The following EHHADH variants were observed in gnomAD, a reference collection of about 807,000 sequenced individuals.
The protein encoded by EHHADH is peroxisomal bifunctional enzyme.
A neutral mutation model predicts 64.4 loss-of-function variants in EHHADH; 48 were observed. That is an observed-to-expected ratio of 0.75 (90% CI 0.59 to 0.95). The LOEUF (loss-of-function observed/expected upper bound fraction) is 0.95. Among genes scored for constraint, EHHADH ranks in the 40% least tolerant of loss-of-function variants. The probability of loss-of-function intolerance (pLI) is 0.00; values close to 1 mark genes in which losing one functional copy is unlikely to be tolerated. For synonymous variants in EHHADH, 308 were observed against 326.7 expected (o/e 0.94, Z 0.62); for missense variants, 854 against 876.6 (o/e 0.97, Z 0.33).
rs1477604929 is a variant in EHHADH at position 185,204,451 on chromosome 3, G to T, written c.875C>A (p.Ala292Glu). Residue 292 changes from alanine (A) to glutamate (E), a missense_variant, in exon 6 of 7, where the codon GCA (alanine) becomes GAA (glutamate). Ala to Glu is a moderately radical substitution (Grantham distance 107). Transcript: ENST00000231887. The part of the protein sequence containing the change: ...STPSGASWKT[A>E]SARPVSSVGV... Reference sequence around the variant, plus strand: ...AACTGAGGAGACAGGCCGCGCTGATGCTGTTTTCCACGATGCTCCGGAGGG... The same window carrying T: ...AACTGAGGAGACAGGCCGCGCTGATTCTGTTTTCCACGATGCTCCGGAGGG... The T allele has an allele frequency of 6.2e-7, 1 of 1,612,824 alleles. No individual in the cohort carries two copies. The highest frequency in any genetic ancestry group is 8.5e-7 in the Non-Finnish European group (1 of 1,179,488).
intron 5 of EHHADH, among the ~76,000 whole-genome samples, chr3:185,215,156 T>C (rs938535351): frequency 1.3e-5 from 2 of 152,110 alleles, no homozygotes; most frequent in Non-Finnish European, 2.9e-5. Context: ...GAGTCAAGCA[T>C]ACACTTATTA....
chr3:185,251,773 C>T (rs1719756005), intron 1 of EHHADH, among the ~76,000 whole-genome samples: 1 of 152,052 alleles, frequency 6.6e-6, no homozygotes, highest in Non-Finnish European at 1.5e-5. Context: ...ATCTGTTAAA[C>T]TTGAGGAACT....
rs1718092531 is a variant in EHHADH, at chr3:185,197,358, T to A, written c.911-3871A>T. Among the ~76,000 whole-genome samples, 4 of 152,214 alleles carry A rather than the reference T, an allele frequency of 2.6e-5. No individual in the cohort carries two copies. In the South Asian group the frequency reaches 6.2e-4, roughly 24 times the overall value. On this transcript the variant is annotated intron_variant, in intron 6 of 6. Transcript: ENST00000231887. ...AGCCATTTCTAAGTGCACAGTTCAG[T>A]GGCATTAAATGCATTCACAAGGTGT...
chr3:185,249,727 A>C (rs1269738488), intron 1 of EHHADH, among the ~76,000 whole-genome samples: 1 of 152,162 alleles, frequency 6.6e-6, no homozygotes, highest in Non-Finnish European at 1.5e-5. Context: ...TTCCTTTATA[A>C]ATTACCCAGT....
chr3:185,235,910 G>A (rs1577372742), intron 2 of EHHADH, among the ~76,000 whole-genome samples: 1 of 152,168 alleles, frequency 6.6e-6, no homozygotes, highest in East Asian at 1.9e-4. Context: ...TCTTTGTTAA[G>A]GGCATGAGTC....
chr3:185,218,087 C>T, intron 5 of EHHADH, 49 bp downstream of exon 5: 1 of 1,382,594 alleles, frequency 7.2e-7, no homozygotes, highest in Non-Finnish European at 1.0e-6. Context: ...TTTAAATGAA[C>T]ATGTATCCTG....
chr3:185,239,312 C>A (rs1719385861), intron 2 of EHHADH, among the ~76,000 whole-genome samples: 1 of 151,976 alleles, frequency 6.6e-6, no homozygotes, highest in South Asian at 2.1e-4. Flanking sequence ...TTTTCTAATT[C>A]CATGAAAAAT....
intron 4 of EHHADH, among the ~76,000 whole-genome samples, chr3:185,223,074 T>C (rs1224866156): frequency 6.6e-6 from 1 of 152,204 alleles, no homozygotes; most frequent in Non-Finnish European, 1.5e-5. Context: ...ATTTCTTCTA[T>C]TTTTTCTTTT....
At chr3:185,199,778 C>T (rs1718173466) in intron 6 of EHHADH, among the ~76,000 whole-genome samples, 1 of 152,112 alleles carries the variant, frequency 6.6e-6, no homozygotes, top group African/African-American at 2.4e-5. Context: ...TACAGTCTTG[C>T]TCTGTTGCCC....
Position 185,218,751 on chromosome 3 carries a change from G to A in EHHADH, c.464-511C>T, listed in dbSNP as rs537978404. Among the ~76,000 whole-genome samples the A allele has an allele frequency of 7.2e-5, 11 of 151,776 alleles. No homozygotes were observed. The South Asian group carries it at 1.2e-3, about 17-fold the overall frequency. On this transcript the variant is annotated intron_variant, in intron 4 of 6. Coordinates refer to ENST00000231887, the MANE Select transcript of EHHADH (RefSeq NM_001966.4). The stretch of plus-strand genomic sequence containing the variant: ...TTAAAAAAAAAAAAGGACCGGGCAC[G>A]GTGGCTCACGCCTGTAATCCCAGCA...
At chr3:185,224,167 A>G (rs997031750) in intron 4 of EHHADH, among the ~76,000 whole-genome samples, 6 of 152,038 alleles carry the variant, frequency 3.9e-5, no homozygotes, top group Middle Eastern at 3.4e-3. Flanking sequence ...AACTTTCACA[A>G]TTTAACTAAT....
intron 3 of EHHADH, among the ~76,000 whole-genome samples, chr3:185,232,282 G>C (rs1719156998): frequency 6.6e-6 from 1 of 152,090 alleles, no homozygotes; most frequent in South Asian, 2.1e-4. Flanking sequence ...ACTCAGATCT[G>C]CACTCAGGGT....
chr3:185,240,223 TG>T (rs57614486), intron 2 of EHHADH, among the ~76,000 whole-genome samples: 10,204 of 149,050 alleles, frequency 0.068, 423 homozygotes, highest in East Asian at 0.21. Context: ...CTTTAGTTTT[TG>T]TTTTTTTTTT....
chr3:185,241,591 G>T (rs1175933199), intron 2 of EHHADH, among the ~76,000 whole-genome samples: 1 of 152,074 alleles, frequency 6.6e-6, no homozygotes, highest in Non-Finnish European at 1.5e-5. Flanking sequence ...TTGGCCAATT[G>T]TGTATATTCT....
At chr3:185,196,730 G>A (rs936407104) in intron 6 of EHHADH, among the ~76,000 whole-genome samples, 2 of 152,114 alleles carry the variant, frequency 1.3e-5, no homozygotes, top group South Asian at 2.1e-4. Flanking sequence ...GGCCGGACAC[G>A]GTGGCTCATG....
In EHHADH at chr3:185,224,351, A is replaced by G. The variant is rs184429983; in HGVS notation, c.463+5081T>C. On this transcript the variant is annotated intron_variant, in intron 4 of 6. Coordinates refer to ENST00000231887, the MANE Select transcript of EHHADH (RefSeq NM_001966.4). Reference sequence around the variant, plus strand: ...CTTGTCTCTACTAAAAATACAAAAAATTAGCCGGGTGTGGTGGCACGTGCC... The same window carrying G: ...CTTGTCTCTACTAAAAATACAAAAAGTTAGCCGGGTGTGGTGGCACGTGCC... Among the ~76,000 whole-genome samples the G allele has an allele frequency of 2.7e-3, 416 of 151,912 alleles. 3 individuals carry two copies. Among genetic ancestry groups the G allele is most frequent in the Non-Finnish European group, 4.5e-3 (306 of 67,930 alleles).
At chr3:185,227,917 G>A (rs369076727) in intron 4 of EHHADH, among the ~76,000 whole-genome samples, 2 of 151,990 alleles carry the variant, frequency 1.3e-5, no homozygotes, top group East Asian at 1.9e-4. Flanking sequence ...GACATTGTAC[G>A]CAGTAACTTA....
At chr3:185,207,366 T>G (rs906981416) in intron 5 of EHHADH, among the ~76,000 whole-genome samples, 1 of 151,810 alleles carries the variant, frequency 6.6e-6, no homozygotes, top group African/African-American at 2.4e-5. Flanking sequence ...ATCATATGAG[T>G]CCTTAAAAGC....
chr3:185,192,655 T>C lies in EHHADH; in HGVS notation c.1743A>G (p.Gln581=), dbSNP rs1346359467. 12 of 1,614,098 alleles carry C rather than the reference T, an allele frequency of 7.4e-6. No homozygotes were observed. In the East Asian group the frequency reaches 2.2e-4, roughly 30 times the overall value. ...GAATCCTACCCAATGGCTTGTCATA[T>C]TGATACCAACCCTTACCTGTCTTCT... ...FGQKTGKGWY[Q]YDKPLGRIHK... is the part of the protein sequence containing the mutation. Residue 581 remains glutamine, a synonymous_variant, in exon 7 of 7, where the codon CAA becomes CAG. Transcript: ENST00000231887.
Sources: allele counts gnomAD v4.1 joint callset (sites outside exome capture counted in the v4.1 genomes callset), GRCh38; gene constraint gnomAD v4.1.1; transcripts MANE v1.5; gene names NCBI Gene and HGNC (gene_info 2026-07-23, HGNC 2026-07-21).